The following PRIM2 variants were observed in gnomAD, a reference collection of about 807,000 sequenced individuals.
PRIM2 encodes DNA primase large subunit.
Under a neutral mutation model 67.3 loss-of-function variants are expected in PRIM2, and 39 were observed. The ratio of observed to expected loss-of-function variants is 0.58; its 90% CI spans 0.45 to 0.76. The LOEUF (loss-of-function observed/expected upper bound fraction) is 0.76, where lower values mean the gene tolerates loss of function less well. PRIM2 is among the 30% of genes least tolerant of loss of function. The probability of loss-of-function intolerance (pLI) is 0.00; values close to 1 mark genes in which losing one functional copy is unlikely to be tolerated. For missense variants in PRIM2, 398 were observed against 598.7 expected, an observed-to-expected ratio of 0.66 and a Z score of 3.50; for synonymous variants, 143 against 198.7, an observed-to-expected ratio of 0.72 and a Z score of 2.36.
chr6:57,527,651 C>G (rs2127466537), intron 8 of PRIM2, among the ~76,000 whole-genome samples: 1 of 152,288 alleles, frequency 6.6e-6, no homozygotes, highest in South Asian at 2.1e-4. Context: ...TTTTTCACTG[C>G]CTGCAGAGCA....
intron 5 of PRIM2, among the ~76,000 whole-genome samples, chr6:57,338,879 A>AT (rs1459969564): frequency 6.6e-6 from 1 of 151,562 alleles, no homozygotes; most frequent in Non-Finnish European, 1.5e-5. Flanking sequence ...AGAAGGAAAT[A>AT]AAGGGTATTC....
chr6:57,329,907 T>C (rs1437635534), intron 5 of PRIM2, among the ~76,000 whole-genome samples: 2 of 152,232 alleles, frequency 1.3e-5, no homozygotes, highest in Non-Finnish European at 2.9e-5. Flanking sequence ...TTGGTTACTG[T>C]GGCTTTATTG....
intron 7 of PRIM2, among the ~76,000 whole-genome samples, chr6:57,469,428 A>C (rs1773284947): frequency 6.6e-6 from 1 of 152,242 alleles, no homozygotes; most frequent in African/African-American, 2.4e-5. Context: ...AGTGACATTC[A>C]AATCTCGGAA....
chr6:57,519,916 C>T (rs1554348710), intron 8 of PRIM2, among the ~76,000 whole-genome samples: 48 of 152,292 alleles, frequency 3.2e-4, no homozygotes, highest in East Asian at 7.7e-4. Context: ...TGGCTTCAGC[C>T]GGTCCCTCTG....
At chr6:57,387,583 C>T (rs1770193115) in intron 7 of PRIM2, among the ~76,000 whole-genome samples, 1 of 152,006 alleles carries the variant, frequency 6.6e-6, no homozygotes, top group East Asian at 1.9e-4. Context: ...TTTAGGTCTT[C>T]AAACTCTGAT....
chr6:57,507,346 C>T lies in PRIM2; in HGVS notation c.694-41C>T, dbSNP rs1774271784. The T allele has an allele frequency of 6.6e-6, 9 of 1,369,400 alleles. No individual in the cohort carries two copies. The East Asian group carries it at 7.6e-5, about 12-fold the overall frequency. 84.8% of individuals were successfully genotyped at this position (1,369,400 alleles called of 1,614,324 possible). A position where few individuals can be genotyped will look rare whatever the true frequency, so the allele number is the denominator to read the frequency against. The stretch of plus-strand genomic sequence containing the variant: ...TTAGTATTCAAATATGTTCGGTGTT[C>T]GGCCTTTGCTGTTTTTACTAATTTT... On this transcript the variant is annotated intron_variant, in intron 7 of 13. Transcript: ENST00000615550.
intron 5 of PRIM2, among the ~76,000 whole-genome samples, chr6:57,355,795 T>G (rs7754488): frequency 6.6e-6 from 1 of 152,012 alleles, no homozygotes; most frequent in South Asian, 2.1e-4. Flanking sequence ...TGTCACCACG[T>G]GTGGCTAATT....
chr6:57,471,272 G>T (rs1773331242), intron 7 of PRIM2, among the ~76,000 whole-genome samples: 1 of 152,080 alleles, frequency 6.6e-6, no homozygotes, highest in South Asian at 2.1e-4. Flanking sequence ...AAGGCAGAAA[G>T]AGCAGGAGAG....
At chr6:57,527,348 CTCAG>C (rs1774778788) in intron 8 of PRIM2, among the ~76,000 whole-genome samples, 1 of 152,222 alleles carries the variant, frequency 6.6e-6, no homozygotes, top group Non-Finnish European at 1.5e-5. Flanking sequence ...CTTGGAAGCA[CTCAG>C]TCACTCAGGC....
At chr6:57,395,762 A>G (rs568352062) in intron 7 of PRIM2, among the ~76,000 whole-genome samples, 1 of 152,032 alleles carries the variant, frequency 6.6e-6, no homozygotes, top group Admixed American at 6.5e-5. Flanking sequence ...TAGAATGTCA[A>G]TTTGTGCTCT....
At chr6:57,384,902 T>C (rs1289057040) in intron 7 of PRIM2, among the ~76,000 whole-genome samples, 1 of 152,246 alleles carries the variant, frequency 6.6e-6, no homozygotes, top group African/African-American at 2.4e-5. Flanking sequence ...TTAAAGCTAC[T>C]TCTGATTTTG....
the PRIM2 span, among the ~76,000 whole-genome samples, chr6:57,292,059 C>A: frequency 6.6e-6 from 1 of 152,056 alleles, no homozygotes; most frequent in South Asian, 2.1e-4. Flanking sequence ...TCAAATTGTC[C>A]CTGTTTGCAG....
intron 7 of PRIM2, among the ~76,000 whole-genome samples, chr6:57,455,367 T>C (rs1772728452): frequency 6.6e-6 from 1 of 152,224 alleles, no homozygotes; most frequent in Admixed American, 6.5e-5. Flanking sequence ...CGTTGATCTG[T>C]CTAATGTTGA....
intron 5 of PRIM2, among the ~76,000 whole-genome samples, chr6:57,347,172 A>G (rs1389649578): frequency 2.0e-5 from 3 of 152,180 alleles, no homozygotes; most frequent in African/African-American, 7.2e-5. Flanking sequence ...CTTAATAGCC[A>G]AATATATTCC....
At chr6:57,300,527 C>G in the PRIM2 span, among the ~76,000 whole-genome samples, 1 of 152,202 alleles carries the variant, frequency 6.6e-6, no homozygotes, top group Admixed American at 6.5e-5. Flanking sequence ...GCTCCAGACC[C>G]TTGAGTATGG....
At chr6:57,360,882 T>TGTCAGGA (rs1769174438) in intron 5 of PRIM2, among the ~76,000 whole-genome samples, 2 of 152,186 alleles carry the variant, frequency 1.3e-5, no homozygotes, top group Admixed American at 1.3e-4. Context: ...AAGTGATCAA[T>TGTCAGGA]GTCAGGATCT....
the PRIM2 span, among the ~76,000 whole-genome samples, chr6:57,305,451 G>A: frequency 6.6e-6 from 1 of 152,164 alleles, no homozygotes; most frequent in South Asian, 2.1e-4. Context: ...GTCTCAAGGA[G>A]CTCATGATCA....
chr6:57,343,209 C>A (rs927484784), intron 5 of PRIM2, among the ~76,000 whole-genome samples: 16 of 152,230 alleles, frequency 1.1e-4, no homozygotes, highest in African/African-American at 3.6e-4. Flanking sequence ...GTTTTTTGAT[C>A]ATTTTGGCCC....
intron 10 of PRIM2, among the ~76,000 whole-genome samples, chr6:57,560,404 G>A (rs1304194121): frequency 2.7e-5 from 4 of 148,676 alleles, no homozygotes; most frequent in Admixed American, 6.8e-5. Context: ...AAAGTCATCC[G>A]TGAAGGTTGG....
Sources: gnomAD v4.1 joint callset for allele counts (sites outside exome capture counted in the v4.1 genomes callset) on GRCh38, gnomAD v4.1.1 for gene constraint, MANE v1.5 for transcripts, NCBI Gene and HGNC (gene_info 2026-07-23, HGNC 2026-07-21) for gene names.